Variants in MSH4 observed in about 807,000 individuals in gnomAD.
MSH4 encodes the protein mutS protein homolog 4.
In MSH4, 106 loss-of-function variants were observed where a neutral mutation model predicts 113.7. That is an observed-to-expected ratio of 0.93 (90% CI 0.80 to 1.10). The LOEUF is 1.10. Ranked by LOEUF, MSH4 falls within the 50% of genes least tolerant of loss-of-function variation. The pLI, the probability that MSH4 is intolerant of heterozygous loss-of-function variation, is 0.00. For synonymous variants in MSH4, 368 were observed against 380.2 expected (o/e 0.97, Z 0.37); for missense variants, 1,061 against 1,093.7 (o/e 0.97, Z 0.42).
At chr1:75,889,184 A>T in intron 15 of MSH4, 67 bp from the exon 16 acceptor site, 2 of 777,634 alleles carry the variant, frequency 2.6e-6, no homozygotes, top group Admixed American at 2.4e-5. Context: ...TCTGAGAAGT[A>T]CAAAATGTTA....
At chr1:75,863,555 C>G (rs1440011922) in intron 8 of MSH4, among the ~76,000 whole-genome samples, 1 of 152,050 alleles carries the variant, frequency 6.6e-6, no homozygotes, top group Non-Finnish European at 1.5e-5. Context: ...ACTGATGTAT[C>G]TAATTATGCT....
chr1:75,881,057 T>C (rs1420077530), intron 13 of MSH4, among the ~76,000 whole-genome samples, 189 bp from the exon 14 acceptor site: 1 of 152,030 alleles, frequency 6.6e-6, no homozygotes, highest in Non-Finnish European at 1.5e-5. Context: ...GTAGCTGTGA[T>C]CTTGAGCAAA....
chr1:75,871,620 A>G (rs1280091860), intron 9 of MSH4, among the ~76,000 whole-genome samples: 1 of 152,198 alleles, frequency 6.6e-6, no homozygotes, highest in Non-Finnish European at 1.5e-5. Context: ...GATCTATGAG[A>G]CAGACAACTT....
Position 75,855,866 on chromosome 1 carries a change from A to G in MSH4, c.1230+7590A>G, listed in dbSNP as rs149221891. Among the ~76,000 whole-genome samples the G allele has an allele frequency of 4.7e-4, 72 of 152,310 alleles. No individual in the cohort carries two copies. The Middle Eastern group carries it at 0.01, about 22-fold the overall frequency. On this transcript the variant is annotated intron_variant, in intron 8 of 19. Coordinates refer to ENST00000263187, the MANE Select transcript of MSH4 (RefSeq NM_002440.4). ...CACAATTCAACCTTTAACAGTGTATAAGTGAAGGCTATGTTTCTATTTTAC... is the reference window on the plus strand; with the variant it reads ...CACAATTCAACCTTTAACAGTGTATGAGTGAAGGCTATGTTTCTATTTTAC...
At chr1:75,810,299 G>A (rs1438487654) in intron 3 of MSH4, among the ~76,000 whole-genome samples, 1 of 151,474 alleles carries the variant, frequency 6.6e-6, no homozygotes, top group East Asian at 1.9e-4. Flanking sequence ...GGTGCCTGGT[G>A]TGATCTCAGC....
At chr1:75,874,637 A>C (rs186140726) in intron 9 of MSH4, among the ~76,000 whole-genome samples, 26 of 151,996 alleles carry the variant, frequency 1.7e-4, no homozygotes, top group African/African-American at 6.3e-4. Flanking sequence ...AGGTTTTTGA[A>C]AGGAGTTTAG....
intron 8 of MSH4, among the ~76,000 whole-genome samples, chr1:75,865,694 T>C (rs1017714191): frequency 1.1e-4 from 17 of 152,226 alleles, no homozygotes; most frequent in Admixed American, 1.0e-3. Flanking sequence ...TAAACAACTT[T>C]AGCTATTAGT....
At chr1:75,818,988 G>A (rs1305798844) in intron 6 of MSH4, among the ~76,000 whole-genome samples, 2 of 151,862 alleles carry the variant, frequency 1.3e-5, no homozygotes, top group African/African-American at 4.8e-5. Flanking sequence ...GGACGGTCTC[G>A]ATCTCCTGAC....
intron 10 of MSH4, 44 bp from the exon 11 acceptor site, chr1:75,878,103 CTT>C (rs890452415): frequency 1.5e-6 from 2 of 1,341,340 alleles, no homozygotes; most frequent in African/African-American, 3.1e-5. Flanking sequence ...TAAAATAACT[CTT>C]TGACTTATTG....
Position 75,876,949 on chromosome 1 carries a change from A to G in MSH4, c.1319A>G (p.Asn440Ser). Reference protein sequence around the residue: ...LVDPLKIAMKNCNTPLLRAYY... With the variant: ...LVDPLKIAMKSCNTPLLRAYY... The stretch of plus-strand genomic sequence containing the variant: ...ATTCTTTAATAGATTGCTATGAAGA[A>G]CTGTAACACACCTTTATTAAGAGCT... The change falls in exon 10 of 20, where the codon AAC (asparagine) becomes AGC (serine). Residue 440 changes from asparagine (N) to serine (S), a missense_variant. Asn to Ser is a conservative substitution (Grantham distance 46, BLOSUM62 1). Transcript: ENST00000263187. 6.4e-7 allele frequency: 1 copy of G among 1,554,598 alleles called. No individual in the cohort carries two copies. The highest frequency in any genetic ancestry group is 8.7e-7 in the Non-Finnish European group (1 of 1,149,896).
At chr1:75,886,840 T>A (rs5016381) in intron 15 of MSH4, among the ~76,000 whole-genome samples, 140 of 1,080 alleles carry the variant, frequency 0.13, 2 homozygotes, top group East Asian at 0.49. Context: ...ATATATATAT[T>A]ATATATATAT....
chr1:75,913,119 C>T lies in MSH4; in HGVS notation c.*232C>T, dbSNP rs936661902. The T allele has an allele frequency of 1.3e-5, 3 of 224,566 alleles. No homozygotes were observed. The highest frequency in any genetic ancestry group is 5.7e-5 in the Admixed American group (1 of 17,562). The allele number at this position is 224,566 out of a possible 1,614,324, so 13.9% of individuals were successfully genotyped here. ...TATGTTAGGAGAAAATACAATACAC[C>T]ACTTTTTTCTCACAAAAATTCACAT... On this transcript the variant is annotated 3_prime_UTR_variant, in exon 20 of 20. Coordinates refer to ENST00000263187, the MANE Select transcript of MSH4 (RefSeq NM_002440.4).
intron 4 of MSH4, among the ~76,000 whole-genome samples, chr1:75,813,834 G>T (rs939299666): frequency 2.6e-5 from 4 of 151,864 alleles, no homozygotes; most frequent in East Asian, 1.9e-4. Context: ...AACATAGTGA[G>T]ACCCCTCTCT....
chr1:75,825,843 A>T (rs1476041386), intron 7 of MSH4, among the ~76,000 whole-genome samples: 2 of 152,032 alleles, frequency 1.3e-5, no homozygotes, highest in Non-Finnish European at 2.9e-5. Context: ...AAGCTTTTTG[A>T]TGTGCTGCTG....
intron 15 of MSH4, among the ~76,000 whole-genome samples, chr1:75,888,979 C>T (rs531654346): frequency 3.3e-5 from 5 of 150,672 alleles, no homozygotes; most frequent in Non-Finnish European, 7.4e-5. Context: ...ACTGCAGGCT[C>T]CGCCTCCCGG....
At chr1:75,885,320 T>G (rs1255402613) in intron 15 of MSH4, among the ~76,000 whole-genome samples, 13 of 27,818 alleles carry the variant, frequency 4.7e-4, no homozygotes, top group Middle Eastern at 0.028. Flanking sequence ...ACACTGGGGG[T>G]GTGTGTGTGT....
chr1:75,842,709 G>A (rs891433225), intron 7 of MSH4, among the ~76,000 whole-genome samples: 3 of 152,198 alleles, frequency 2.0e-5, no homozygotes, highest in Admixed American at 1.3e-4. Context: ...TGGTCTAGTG[G>A]TAATGCCAGC....
At chr1:75,823,634 AC>A (rs1650479780) in intron 7 of MSH4, among the ~76,000 whole-genome samples, 1 of 151,470 alleles carries the variant, frequency 6.6e-6, no homozygotes, top group South Asian at 2.1e-4. Context: ...CTTTCCCTCC[AC>A]CCACTGACAG....
At chr1:75,911,298 A>G (rs1316452315) in intron 19 of MSH4, among the ~76,000 whole-genome samples, 4 of 152,134 alleles carry the variant, frequency 2.6e-5, no homozygotes, top group Non-Finnish European at 5.9e-5. Context: ...ATTACTTGTC[A>G]TTACTACATT....
Sources: allele counts gnomAD v4.1 joint callset (sites outside exome capture counted in the v4.1 genomes callset), GRCh38; gene constraint gnomAD v4.1.1; transcripts MANE v1.5; gene names NCBI Gene and HGNC (gene_info 2026-07-23, HGNC 2026-07-21).